ODAPH: variants seen among roughly 807,000 people sequenced by gnomAD.
ODAPH encodes odontogenesis associated phosphoprotein, also known as amelogenesis imperfecta type IIA4.
In ODAPH, 2 loss-of-function variants were observed where a neutral mutation model predicts 2.8. The observed-to-expected ratio is 0.72, with a 90% CI of 0.30 to 2.28. The LOEUF (loss-of-function observed/expected upper bound fraction) is 2.28. Among genes scored for constraint, ODAPH ranks in the 30% most tolerant of loss-of-function variants. The probability of loss-of-function intolerance (pLI) is 0.13; values close to 1 mark genes in which losing one functional copy is unlikely to be tolerated. For missense variants in ODAPH, 159 were observed against 163.3 expected (o/e 0.97, Z 0.14); for synonymous variants, 75 against 60.3 (o/e 1.24, Z -1.13).
chr4:75,560,107 GT>G (rs1443683537), intron 1 of ODAPH, among the ~76,000 whole-genome samples: 1 of 152,148 alleles, frequency 6.6e-6, no homozygotes. Context: ...TGCCAAAGTG[GT>G]TTTTGGAGAG....
At chr4:75,560,879 C>T (rs1298972661) in intron 1 of ODAPH, among the ~76,000 whole-genome samples, 1 of 152,106 alleles carries the variant, frequency 6.6e-6, no homozygotes, top group African/African-American at 2.4e-5. Context: ...CTCAAGGCCT[C>T]GTTAAGCCTG....
chr4:75,563,741 T>C (rs1380218081), intron 1 of ODAPH, among the ~76,000 whole-genome samples: 3 of 152,224 alleles, frequency 2.0e-5, no homozygotes, highest in Non-Finnish European at 2.9e-5. Flanking sequence ...TGGGTATTAG[T>C]AGTTCTTCCT....
intron 1 of ODAPH, among the ~76,000 whole-genome samples, chr4:75,562,244 A>G (rs1177641535): frequency 2.6e-5 from 4 of 152,154 alleles, no homozygotes; most frequent in African/African-American, 4.8e-5. Flanking sequence ...AGCGTATCCA[A>G]TACAGCCAAG....
chr4:75,557,442 C>T (rs1204753882), intron 1 of ODAPH, among the ~76,000 whole-genome samples: 1 of 152,132 alleles, frequency 6.6e-6, no homozygotes, highest in Non-Finnish European at 1.5e-5. Context: ...GAGTTCAAAA[C>T]CAGCCTGACC....
At position 75,564,786 on chromosome 4, in the gene ODAPH, A is replaced by T; in HGVS notation, c.*347A>T. On this transcript the variant is annotated 3_prime_UTR_variant, in exon 2 of 2. Coordinates refer to ENST00000311623, the MANE Select transcript of ODAPH (RefSeq NM_178497.5). Reference sequence around the variant, plus strand: ...CATCTCCTCCTCTAAATTAAACAGGATTTAAATAAATTGAGATCATTATAA... The same window carrying T: ...CATCTCCTCCTCTAAATTAAACAGGTTTTAAATAAATTGAGATCATTATAA... The T allele has an allele frequency of 2.1e-6, 1 of 468,688 alleles. No homozygotes were observed. The highest frequency in any genetic ancestry group is 3.8e-6 in the Non-Finnish European group (1 of 261,758). 29.0% of individuals were successfully genotyped at this position (468,688 alleles called of 1,614,324 possible). A position where few individuals can be genotyped will look rare whatever the true frequency, so the allele number is the denominator to read the frequency against.
Position 75,564,506 on chromosome 4 carries a change from A to G in ODAPH, c.*67A>G. The G allele has an allele frequency of 6.2e-7, 1 of 1,612,562 alleles. No individual in the cohort carries two copies. The highest frequency in any genetic ancestry group is 8.5e-7 in the Non-Finnish European group (1 of 1,179,848). ...TATCCTTCAGAAAAAAGCAACAAAA[A>G]GATTTCTGTTTTATCTTTCGAAACT... On this transcript the variant is annotated 3_prime_UTR_variant, in exon 2 of 2. Transcript: ENST00000311623.
Position 75,564,474 on chromosome 4 carries a change from A to T in ODAPH, c.*35A>T, listed in dbSNP as rs1360357327. ...GAAACCCAAACATACTGAAGCAAAAAAAAGCCTATCCTTCAGAAAAAAGCA... is the reference window on the plus strand; with the variant it reads ...GAAACCCAAACATACTGAAGCAAAATAAAGCCTATCCTTCAGAAAAAAGCA... On this transcript the variant is annotated 3_prime_UTR_variant, in exon 2 of 2. Transcript: ENST00000311623. The T allele has an allele frequency of 6.2e-7, 1 of 1,613,870 alleles. No homozygotes were observed. The highest frequency in any genetic ancestry group is 8.5e-7 in the Non-Finnish European group (1 of 1,180,030).
At chr4:75,563,847 T>C (rs1727695063) in intron 1 of ODAPH, among the ~76,000 whole-genome samples, 1 of 152,180 alleles carries the variant, frequency 6.6e-6, no homozygotes, top group African/African-American at 2.4e-5. Context: ...ATTTAGGCTA[T>C]TATGAATAAG....
At chr4:75,558,069 C>T (rs1479921937) in intron 1 of ODAPH, among the ~76,000 whole-genome samples, 1 of 152,152 alleles carries the variant, frequency 6.6e-6, no homozygotes, top group East Asian at 1.9e-4. Flanking sequence ...GCTGCAGATC[C>T]CTGGCTTCAT....
Position 75,564,625 on chromosome 4 carries a change from T to C in ODAPH, c.*186T>C. On this transcript the variant is annotated 3_prime_UTR_variant, in exon 2 of 2. Transcript: ENST00000311623. Reference sequence around the variant, plus strand: ...GTGAAGATATTGGATCATAGGTTATTGATGGTTGCAAAATTGGACAATAAC... The same window carrying C: ...GTGAAGATATTGGATCATAGGTTATCGATGGTTGCAAAATTGGACAATAAC... 1 of 1,319,038 alleles carries C rather than the reference T, an allele frequency of 7.6e-7. No individual in the cohort carries two copies. Among genetic ancestry groups the C allele is most frequent in the Non-Finnish European group, 1.0e-6 (1 of 979,098 alleles). The allele number at this position is 1,319,038 out of a possible 1,614,324, so 81.7% of individuals were successfully genotyped here. A position where few individuals can be genotyped will look rare whatever the true frequency, so the allele number is the denominator to read the frequency against.
chr4:75,556,087 C>T lies in ODAPH; in HGVS notation c.5C>T (p.Ala2Val), dbSNP rs776094402. 1 of 1,614,148 alleles carries T rather than the reference C, an allele frequency of 6.2e-7. No homozygotes were observed. The highest frequency in any genetic ancestry group is 1.1e-5 in the South Asian group (1 of 91,064). The stretch of plus-strand genomic sequence containing the variant: ...AGTGACTGCTCAGTAGAAGCCATGG[C>T]TCGCAGACACTGCTTCTCCTACTGG... M[A>V]RRHCFSYWLL... Residue 2 changes from alanine (A) to valine (V), a missense_variant, in exon 1 of 2, where the codon GCT (alanine) becomes GTT (valine). By Grantham distance (64) the Ala-to-Val change is moderately conservative (BLOSUM62 0). Transcript: ENST00000311623.
At chr4:75,556,846 C>A (rs1451992177) in intron 1 of ODAPH, among the ~76,000 whole-genome samples, 1 of 152,106 alleles carries the variant, frequency 6.6e-6, no homozygotes, top group Admixed American at 6.5e-5. Context: ...TCTTGGGGAG[C>A]CTAGATCTAA....
At chr4:75,562,918 T>G (rs1246334461) in intron 1 of ODAPH, among the ~76,000 whole-genome samples, 3 of 152,044 alleles carry the variant, frequency 2.0e-5, no homozygotes, top group Non-Finnish European at 4.4e-5. Context: ...AACAGTTATT[T>G]TTATTTTCTT....
chr4:75,557,386 T>G (rs538896078), intron 1 of ODAPH, among the ~76,000 whole-genome samples: 1 of 152,316 alleles, frequency 6.6e-6, no homozygotes, highest in African/African-American at 2.4e-5. Context: ...ACACCTGTAA[T>G]CCCAGCATTT....
intron 1 of ODAPH, among the ~76,000 whole-genome samples, chr4:75,560,983 C>T (rs1335612867): frequency 6.6e-6 from 1 of 152,000 alleles, no homozygotes; most frequent in Non-Finnish European, 1.5e-5. Context: ...TTTGGGAGGC[C>T]GAGGCGGGCG....
At chr4:75,565,837 A>G (rs1397325577), downstream of ODAPH, 1 of 152,228 alleles carries the variant, frequency 6.6e-6, no homozygotes, top group Admixed American at 6.5e-5. Context: ...AGATAAAATC[A>G]TCATGCTATG....
At chr4:75,564,059 C>T (rs1578298399) in intron 1 of ODAPH, 55 bp from the exon 2 acceptor site, 1 of 1,532,650 alleles carries the variant, frequency 6.5e-7, no homozygotes, top group Non-Finnish European at 9.0e-7. Flanking sequence ...CTCTAAACCA[C>T]TCTTCTGCTT....
In ODAPH at chr4:75,556,105, C is replaced by T; in HGVS notation, c.23C>T (p.Ser8Phe). The part of the protein sequence containing the change: MARRHCF[S>F]YWLLVCWLVV... ...GCCATGGCTCGCAGACACTGCTTCT[C>T]CTACTGGTTACTGGTATGCTGGTTG... is the stretch of plus-strand genomic sequence containing the variant. Residue 8 changes from serine to phenylalanine, a missense_variant, in exon 1 of 2, where the codon TCC becomes TTC. Coordinates refer to ENST00000311623, the MANE Select transcript of ODAPH (RefSeq NM_178497.5). 1 of 1,614,142 alleles carries T rather than the reference C, an allele frequency of 6.2e-7. No individual in the cohort carries two copies.
rs143319706 is a variant in ODAPH at position 75,564,164 on chromosome 4, G to T, written c.118G>T (p.Ala40Ser). ...PPGDSQNNAD[A>S]TDCQIFTLTP... Reference sequence around the variant, plus strand: ...TGGAGATTCACAAAATAATGCGGACGCTACCGACTGCCAGATCTTTACACT... The same window carrying T: ...TGGAGATTCACAAAATAATGCGGACTCTACCGACTGCCAGATCTTTACACT... Residue 40 changes from alanine (A) to serine (S), a missense_variant, in exon 2 of 2, where the codon GCT (alanine) becomes TCT (serine). By Grantham distance (99) the Ala-to-Ser change is moderately conservative. Transcript: ENST00000311623. 248 of 1,614,118 alleles carry T rather than the reference G, an allele frequency of 1.5e-4. No individual in the cohort carries two copies. The African/African-American group carries it at 2.8e-3, about 18-fold the overall frequency.
Sources: gnomAD v4.1 joint callset for allele counts (sites outside exome capture counted in the v4.1 genomes callset) on GRCh38, gnomAD v4.1.1 for gene constraint, MANE v1.5 for transcripts, NCBI Gene and HGNC (gene_info 2026-07-23, HGNC 2026-07-21) for gene names.